Variants in TMEM178B observed in about 807,000 individuals in gnomAD.
TMEM178B encodes the protein transmembrane protein 178B.
In TMEM178B, 5 loss-of-function variants were observed where a neutral mutation model predicts 31.0. The ratio of observed to expected loss-of-function variants is 0.16; its 90% CI spans 0.08 to 0.34. TMEM178B has a LOEUF of 0.34. TMEM178B is among the 10% of genes least tolerant of loss of function. The pLI, the probability that TMEM178B is intolerant of heterozygous loss-of-function variation, is 1.00. For synonymous variants in TMEM178B, 164 were observed against 164.0 expected (o/e 1.00, Z 0.00); for missense variants, 275 against 400.3 (o/e 0.69, Z 2.67).
intron 2 of TMEM178B, among the ~76,000 whole-genome samples, chr7:141,247,192 T>C (rs1295427134): frequency 8.1e-6 from 1 of 123,902 alleles, no homozygotes; most frequent in Non-Finnish European, 1.6e-5. Flanking sequence ...TCTCTATATA[T>C]AGGTTTCTCT....
At chr7:141,502,547 G>T in the TMEM178B span, among the ~76,000 whole-genome samples, 1 of 152,202 alleles carries the variant, frequency 6.6e-6, no homozygotes, top group Admixed American at 6.5e-5. Context: ...AAAGGCAGCT[G>T]ATCACCTGAG....
chr7:141,338,259 A>T (rs977186661), intron 2 of TMEM178B, among the ~76,000 whole-genome samples: 2 of 152,234 alleles, frequency 1.3e-5, no homozygotes, highest in East Asian at 3.8e-4. Flanking sequence ...GCCTTTATTA[A>T]TAAGTCTATT....
rs1796730485 is a variant in TMEM178B at position 141,193,500 on chromosome 7, G to A, written c.383-19091G>A. 2.6e-5 allele frequency among the ~76,000 whole-genome samples: 4 copies of A among 152,136 alleles called. No homozygotes were observed. In the South Asian group the frequency reaches 8.3e-4, roughly 31 times the overall value. ...CCACTCACTCTGTCTGGATGCCTGG[G>A]GTCCCAGGGGGTACCCACTTGCCAT... On this transcript the variant is annotated intron_variant, in intron 1 of 3. Transcript: ENST00000565468.
At chr7:141,315,292 CTT>C (rs781091870) in intron 2 of TMEM178B, among the ~76,000 whole-genome samples, 2 of 152,178 alleles carry the variant, frequency 1.3e-5, no homozygotes, top group Non-Finnish European at 2.9e-5. Context: ...TGTGCAAACT[CTT>C]TACCATTGTC....
In TMEM178B at chr7:141,208,195, T is replaced by TTAAA. The variant is rs34234324; in HGVS notation, c.383-4372_383-4369dup. Among the ~76,000 whole-genome samples the TTAAA allele has an allele frequency of 3.0e-3, 454 of 149,928 alleles. 2 individuals are homozygous for TTAAA. The highest frequency in any genetic ancestry group is 1.0e-2 in the African/African-American group (407 of 40,714). On this transcript the variant is annotated intron_variant, in intron 1 of 3. Coordinates refer to ENST00000565468, the MANE Select transcript of TMEM178B (RefSeq NM_001195278.2). ...GTGACATAGTGAGACCCAGTCTCTTTTAAATAAATAAATAAATAAATAAAT... is the reference window on the plus strand; with the variant it reads ...GTGACATAGTGAGACCCAGTCTCTTTTAAATAAATAAATAAATAAATAAATAAAT...
intron 2 of TMEM178B, among the ~76,000 whole-genome samples, chr7:141,292,393 A>G (rs1798560510): frequency 6.6e-6 from 1 of 152,124 alleles, no homozygotes; most frequent in Non-Finnish European, 1.5e-5. Context: ...TATCTTGTCT[A>G]ACAAACCAGA....
At chr7:141,356,635 T>C (rs1554479398) in intron 2 of TMEM178B, among the ~76,000 whole-genome samples, 3 of 140,322 alleles carry the variant, frequency 2.1e-5, no homozygotes, top group East Asian at 2.3e-4. Flanking sequence ...TGTCAGACCA[T>C]AGTTGCGGGG....
intron 2 of TMEM178B, among the ~76,000 whole-genome samples, chr7:141,351,464 G>A (rs749387866): frequency 1.3e-5 from 2 of 152,260 alleles, no homozygotes; most frequent in African/African-American, 4.8e-5. Context: ...GCAGCAGTGT[G>A]TGAGGCACAG....
At chr7:141,087,582 G>A (rs1390958394) in intron 1 of TMEM178B, among the ~76,000 whole-genome samples, 1 of 152,128 alleles carries the variant, frequency 6.6e-6, no homozygotes, top group East Asian at 1.9e-4. Flanking sequence ...CCTCTCAGAA[G>A]GCATTTTAAC....
At chr7:141,088,291 C>T (rs1431272671) in intron 1 of TMEM178B, among the ~76,000 whole-genome samples, 1 of 152,012 alleles carries the variant, frequency 6.6e-6, no homozygotes, top group Non-Finnish European at 1.5e-5. Context: ...TGTGCACCTC[C>T]CATGCACTCC....
intron 1 of TMEM178B, among the ~76,000 whole-genome samples, chr7:141,106,716 C>T (rs1378432780): frequency 6.6e-6 from 1 of 152,198 alleles, no homozygotes; most frequent in African/African-American, 2.4e-5. Context: ...CCATCATCAC[C>T]ATCTTCACTC....
chr7:141,178,308 C>G (rs1796465673), intron 1 of TMEM178B, among the ~76,000 whole-genome samples: 1 of 152,166 alleles, frequency 6.6e-6, no homozygotes, highest in Admixed American at 6.5e-5. Flanking sequence ...ATAGAATAGA[C>G]TTTGAAGAGA....
intron 2 of TMEM178B, among the ~76,000 whole-genome samples, chr7:141,297,802 T>A (rs540921952): frequency 6.6e-6 from 1 of 152,350 alleles, no homozygotes; most frequent in African/African-American, 2.4e-5. Flanking sequence ...TTGTGAATAG[T>A]GCTGCAATAA....
At position 141,470,577 on chromosome 7, in the gene TMEM178B, A is replaced by G; in HGVS notation, c.676A>G (p.Ile226Val). Residue 226 changes from isoleucine to valine, a missense_variant, in exon 4 of 4, where the codon ATC becomes GTC. Ile to Val is a conservative substitution (Grantham distance 29). Transcript: ENST00000565468. Reference sequence around the variant, plus strand: ...TTCACTGTGCACCTGTGTGGCCGGGATCAACTTTGAGCTGTCACGCTACCC... The same window carrying G: ...TTCACTGTGCACCTGTGTGGCCGGGGTCAACTTTGAGCTGTCACGCTACCC... ...IISLCTCVAG[I>V]NFELSRYPRY... The G allele has an allele frequency of 6.5e-7, 1 of 1,533,468 alleles. No individual in the cohort carries two copies. Among genetic ancestry groups the G allele is most frequent in the East Asian group, 2.5e-5 (1 of 40,672 alleles). The allele number at this position is 1,533,468 out of a possible 1,614,324, so 95.0% of individuals were successfully genotyped here. A position where few individuals can be genotyped will look rare whatever the true frequency, so the allele number is the denominator to read the frequency against.
At chr7:141,136,328 CAGA>C (rs1795674706) in intron 1 of TMEM178B, among the ~76,000 whole-genome samples, 1 of 152,100 alleles carries the variant, frequency 6.6e-6, no homozygotes, top group South Asian at 2.1e-4. Flanking sequence ...TAGACACATG[CAGA>C]AGAATGAAAC....
At chr7:141,082,251 G>A (rs1227423562) in intron 1 of TMEM178B, among the ~76,000 whole-genome samples, 1 of 152,214 alleles carries the variant, frequency 6.6e-6, no homozygotes, top group African/African-American at 2.4e-5. Flanking sequence ...AGGGAAAAGA[G>A]GTGGTAAAAC....
At chr7:141,375,561 CGTT>C (rs1405004403) in intron 2 of TMEM178B, among the ~76,000 whole-genome samples, 1 of 152,164 alleles carries the variant, frequency 6.6e-6, no homozygotes, top group Admixed American at 6.5e-5. Flanking sequence ...AGTAGGTAAT[CGTT>C]GTGTTCCAGG....
the TMEM178B span, among the ~76,000 whole-genome samples, chr7:141,509,752 G>A: frequency 6.6e-6 from 1 of 152,294 alleles, no homozygotes; most frequent in South Asian, 2.1e-4. Flanking sequence ...CTGTGACCCT[G>A]ATGATCAGCT....
At chr7:141,233,796 C>T (rs1797484518) in intron 2 of TMEM178B, among the ~76,000 whole-genome samples, 1 of 152,214 alleles carries the variant, frequency 6.6e-6, no homozygotes, top group Admixed American at 6.5e-5. Context: ...CAAGTTCGAC[C>T]TCTTTGACTT....
Sources: gnomAD v4.1 joint callset for allele counts (sites outside exome capture counted in the v4.1 genomes callset) on GRCh38, gnomAD v4.1.1 for gene constraint, MANE v1.5 for transcripts, NCBI Gene and HGNC (gene_info 2026-07-23, HGNC 2026-07-21) for gene names.